Variants in PRKAR2B observed in about 807,000 individuals in gnomAD.
PRKAR2B encodes the protein cAMP-dependent protein kinase type II-beta regulatory subunit.
In PRKAR2B, 14 loss-of-function variants were observed where a neutral mutation model predicts 49.9. The observed-to-expected ratio is 0.28, with a 90% CI of 0.19 to 0.44. The LOEUF (loss-of-function observed/expected upper bound fraction) is 0.44. Among genes scored for constraint, PRKAR2B ranks in the 20% least tolerant of loss-of-function variants. PRKAR2B has a pLI of 1.00. For synonymous variants in PRKAR2B, 196 were observed against 197.7 expected, an observed-to-expected ratio of 0.99 and a Z score of 0.07; for missense variants, 393 against 537.9, an observed-to-expected ratio of 0.73 and a Z score of 2.67.
chr7:107,045,185 C>A lies in PRKAR2B; in HGVS notation c.278C>A (p.Ala93Glu). The A allele has an allele frequency of 6.9e-7, 1 of 1,455,600 alleles. No individual in the cohort carries two copies. Among genetic ancestry groups the A allele is most frequent in the Admixed American group, 2.5e-5 (1 of 40,720 alleles). 90.2% of individuals were successfully genotyped at this position (1,455,600 alleles called of 1,614,324 possible). Residue 93 changes from alanine (A) to glutamate (E), a missense_variant, in exon 1 of 11, where the codon GCG becomes GAG. Transcript: ENST00000265717. ...TCCGAGGACGGGGAGGAGGAGGAGG[C>A]GGCGCCCGCGGACGCAGGGGCGTTC... is the stretch of plus-strand genomic sequence containing the variant. ...SDSEDGEEEE[A>E]APADAGAFNA...
intron 1 of PRKAR2B, among the ~76,000 whole-genome samples, chr7:107,059,287 A>ATT (rs11409999): frequency 1.8e-4 from 27 of 150,838 alleles, no homozygotes; most frequent in Admixed American, 5.3e-4. Context: ...AAAAAAAGTT[A>ATT]TTTTTTTTTC....
rs1387985653 is a variant in PRKAR2B, at chr7:107,160,432, A to G, written c.*850A>G. 1 of 152,074 alleles carries G rather than the reference A, an allele frequency of 6.6e-6. No individual in the cohort carries two copies. The highest frequency in any genetic ancestry group is 1.5e-5 in the Non-Finnish European group (1 of 68,010). The allele number at this position is 152,074 out of a possible 1,614,324, so 9.4% of individuals were successfully genotyped here. A position where few individuals can be genotyped will look rare whatever the true frequency, so the allele number is the denominator to read the frequency against. On this transcript the variant is annotated 3_prime_UTR_variant, in exon 11 of 11. Transcript: ENST00000265717. ...AAACTTAAGATCCGACATTTTTTGT[A>G]TTCTTTAAGATTTTACACCTAAAAA...
At chr7:107,151,067 TTC>T (rs1434925043) in intron 7 of PRKAR2B, 44 bp downstream of exon 7, 1 of 1,200,186 alleles carries the variant, frequency 8.3e-7, no homozygotes, top group Non-Finnish European at 1.1e-6. Context: ...CTTTAAAAGT[TTC>T]TGTTTTGCTA....
At chr7:107,049,522 C>G (rs1210833837) in intron 1 of PRKAR2B, among the ~76,000 whole-genome samples, 1 of 151,978 alleles carries the variant, frequency 6.6e-6, no homozygotes, top group Non-Finnish European at 1.5e-5. Context: ...TTTTACAGTT[C>G]AAAGGGAATT....
chr7:107,070,601 AG>A (rs1794247270), intron 2 of PRKAR2B, among the ~76,000 whole-genome samples: 1 of 152,194 alleles, frequency 6.6e-6, no homozygotes, highest in South Asian at 2.1e-4. Context: ...CTCTCAGCCC[AG>A]GGTGTTATTC....
At chr7:107,150,887 C>T in intron 6 of PRKAR2B, 35 bp from the exon 7 acceptor site, 2 of 1,075,712 alleles carry the variant, frequency 1.9e-6, no homozygotes, top group African/African-American at 1.6e-5. Context: ...AGCTTTACCC[C>T]CATAAAATTT....
chr7:107,070,141 G>A (rs1794233948), intron 1 of PRKAR2B, 140 bp from the exon 2 acceptor site: 2 of 498,646 alleles, frequency 4.0e-6, no homozygotes, highest in African/African-American at 2.0e-5. Context: ...TTTAATTTTT[G>A]TATATTCATG....
intron 3 of PRKAR2B, among the ~76,000 whole-genome samples, chr7:107,127,043 C>CTATA (rs1206786302): frequency 6.6e-6 from 1 of 152,166 alleles, no homozygotes; most frequent in Non-Finnish European, 1.5e-5. Flanking sequence ...TTTAGCAATA[C>CTATA]TATAAGTTTC....
chr7:107,115,353 T>G lies in PRKAR2B; in HGVS notation c.344-6599T>G, dbSNP rs1795253925. Among the ~76,000 whole-genome samples the G allele has an allele frequency of 3.3e-5, 5 of 152,348 alleles. No homozygotes were observed. The South Asian group carries it at 1.0e-3, about 32-fold the overall frequency. On this transcript the variant is annotated intron_variant, in intron 2 of 10. Transcript: ENST00000265717. ...CTGGTCTGGGAATTAAATATTCACT[T>G]AAGTACTATTTCATGAACAGTGCCA... is the stretch of plus-strand genomic sequence containing the variant.
intron 2 of PRKAR2B, among the ~76,000 whole-genome samples, chr7:107,110,664 G>C (rs960586420): frequency 3.3e-5 from 5 of 151,906 alleles, no homozygotes; most frequent in Middle Eastern, 3.4e-3. Flanking sequence ...ACATACCCAG[G>C]GCCAGAAGGG....
chr7:107,070,417 C>A (rs1264904315), intron 2 of PRKAR2B, 101 bp downstream of exon 2: 1 of 1,013,248 alleles, frequency 9.9e-7, no homozygotes. Context: ...GTATAGTAAA[C>A]CTTTATTTGT....
intron 5 of PRKAR2B, among the ~76,000 whole-genome samples, chr7:107,145,254 TAAAC>T (rs1381253838): frequency 1.3e-5 from 2 of 152,132 alleles, no homozygotes; most frequent in Non-Finnish European, 2.9e-5. Flanking sequence ...AGATAACACA[TAAAC>T]AAACAAGAGT....
At chr7:107,148,946 CT>C (rs1322894492) in intron 6 of PRKAR2B, among the ~76,000 whole-genome samples, 1 of 152,192 alleles carries the variant, frequency 6.6e-6, no homozygotes, top group African/African-American at 2.4e-5. Context: ...ATGGAAAATT[CT>C]TTCTGAGAGA....
chr7:107,076,036 T>C (rs1794389366), intron 2 of PRKAR2B, among the ~76,000 whole-genome samples: 1 of 152,164 alleles, frequency 6.6e-6, no homozygotes, highest in Admixed American at 6.5e-5. Flanking sequence ...AGATACTGTT[T>C]TGAAAAAGTT....
chr7:107,117,668 A>T (rs760723797), intron 2 of PRKAR2B, among the ~76,000 whole-genome samples: 1 of 152,186 alleles, frequency 6.6e-6, no homozygotes, highest in Non-Finnish European at 1.5e-5. Flanking sequence ...TTTTTAAAAC[A>T]TCAACAACAA....
intron 2 of PRKAR2B, among the ~76,000 whole-genome samples, chr7:107,087,880 G>T (rs531639377): frequency 6.6e-6 from 1 of 150,794 alleles, no homozygotes; most frequent in Admixed American, 6.6e-5. Context: ...TCCCACATAT[G>T]ATAAAGTTTA....
chr7:107,114,335 T>TAAA (rs1795229220), intron 2 of PRKAR2B, among the ~76,000 whole-genome samples: 1 of 82,032 alleles, frequency 1.2e-5, no homozygotes, highest in Non-Finnish European at 2.4e-5. Context: ...TGTGTGTGTG[T>TAAA]GTGTGTGTGT....
intron 3 of PRKAR2B, among the ~76,000 whole-genome samples, chr7:107,126,282 G>A (rs760506722): frequency 1.7e-4 from 24 of 143,030 alleles, no homozygotes; most frequent in East Asian, 6.3e-4. Flanking sequence ...AAAGCCAGGC[G>A]TGGTGGCAGG....
intron 3 of PRKAR2B, among the ~76,000 whole-genome samples, 195 bp from the exon 4 acceptor site, chr7:107,128,017 A>G (rs1330953919): frequency 6.6e-6 from 1 of 152,190 alleles, no homozygotes; most frequent in Non-Finnish European, 1.5e-5. Context: ...AACAAGGTGA[A>G]TTATGTTCCC....
Sources: allele counts gnomAD v4.1 joint callset (sites outside exome capture counted in the v4.1 genomes callset), GRCh38; gene constraint gnomAD v4.1.1; transcripts MANE v1.5; gene names NCBI Gene and HGNC (gene_info 2026-07-23, HGNC 2026-07-21).